Variants in ASCC1 observed in about 807,000 individuals in gnomAD.
The protein encoded by ASCC1 is activating signal cointegrator 1 complex subunit 1.
In ASCC1, 35 loss-of-function variants were observed where a neutral mutation model predicts 46.6. The observed-to-expected ratio is 0.75, with a 90% confidence interval of 0.57 to 0.99. The LOEUF is 0.99. ASCC1 is among the 50% of genes least tolerant of loss of function. The pLI is 0.00. For synonymous variants in ASCC1, 143 were observed against 146.6 expected (o/e 0.98, Z 0.18); for missense variants, 376 against 428.7 (o/e 0.88, Z 1.09).
chr10:72,104,522 T>G (rs561071869), intron 9 of ASCC1, among the ~76,000 whole-genome samples: 1 of 152,292 alleles, frequency 6.6e-6, no homozygotes, highest in South Asian at 2.1e-4. Flanking sequence ...AAGAACAAAG[T>G]GTTGTATTGT....
chr10:72,152,697 C>T (rs1009061952), intron 7 of ASCC1, among the ~76,000 whole-genome samples, 172 bp downstream of exon 7: 4 of 151,950 alleles, frequency 2.6e-5, no homozygotes, highest in Admixed American at 2.6e-4. Flanking sequence ...CTTTTTCCTA[C>T]AACAAATTCC....
chr10:72,164,380 A>G (rs1283960649), intron 5 of ASCC1, among the ~76,000 whole-genome samples: 1 of 152,218 alleles, frequency 6.6e-6, no homozygotes, highest in African/African-American at 2.4e-5. Context: ...TATAGAAAGG[A>G]TCATACAATA....
At chr10:72,117,677 A>T (rs528749138) in intron 9 of ASCC1, among the ~76,000 whole-genome samples, 1 of 152,342 alleles carries the variant, frequency 6.6e-6, no homozygotes, top group East Asian at 1.9e-4. Context: ...AGGAAGTTGC[A>T]TATCTGTTTC....
At chr10:72,154,555 G>A (rs1468316225) in intron 6 of ASCC1, among the ~76,000 whole-genome samples, 1 of 150,530 alleles carries the variant, frequency 6.6e-6, no homozygotes, top group Admixed American at 6.6e-5. Flanking sequence ...GCAGTGGCGT[G>A]ATCTTGGCTC....
At chr10:72,149,437 CAAAAAAAA>C (rs11297879) in intron 7 of ASCC1, among the ~76,000 whole-genome samples, 21 of 52,686 alleles carry the variant, frequency 4.0e-4, no homozygotes, top group South Asian at 8.4e-4. Context: ...GACTCCGTCA[CAAAAAAAA>C]AAAAAAAAAA....
chr10:72,157,036 G>C (rs1329507051), intron 6 of ASCC1, among the ~76,000 whole-genome samples: 1 of 152,044 alleles, frequency 6.6e-6, no homozygotes, highest in Admixed American at 6.5e-5. Context: ...CAAACTCCTG[G>C]GCTCAAGCAA....
chr10:72,185,709 T>C (rs970359550), intron 5 of ASCC1, among the ~76,000 whole-genome samples: 2 of 152,082 alleles, frequency 1.3e-5, no homozygotes, highest in South Asian at 2.1e-4. Flanking sequence ...GAGGGTGACA[T>C]AAATATTCAA....
chr10:72,142,750 T>C (rs1385001345), intron 7 of ASCC1, among the ~76,000 whole-genome samples: 3 of 152,160 alleles, frequency 2.0e-5, no homozygotes, highest in Non-Finnish European at 4.4e-5. Context: ...TGGACTAGAG[T>C]AATGACTTTT....
chr10:72,163,599 G>A (rs550693864), intron 5 of ASCC1, among the ~76,000 whole-genome samples: 13 of 152,150 alleles, frequency 8.5e-5, no homozygotes, highest in African/African-American at 3.1e-4. Flanking sequence ...GCCGGGTGTG[G>A]TGGTGTGTGC....
At chr10:72,150,819 T>C (rs530031360) in intron 7 of ASCC1, among the ~76,000 whole-genome samples, 367 of 152,274 alleles carry the variant, frequency 2.4e-3, no homozygotes, top group Non-Finnish European at 3.8e-3. Flanking sequence ...AGAAGACATT[T>C]ATGCAGCCAA....
chr10:72,154,508 T>C (rs1275848837), intron 6 of ASCC1, among the ~76,000 whole-genome samples: 2 of 151,726 alleles, frequency 1.3e-5, no homozygotes, highest in African/African-American at 2.4e-5. Flanking sequence ...TTTTTTTTTT[T>C]TGAGACAGGG....
rs1426244825 is a variant in ASCC1 at position 72,133,069 on chromosome 10, T to C, written c.859A>G (p.Lys287Glu). The part of the protein sequence containing the change: ...HATVMNTLFR[K>E]DPNAEGRYNL... ...CTGGGGGACTTACCATTGGGGTCTT[T>C]CCTGAATAGTGTATTCATAACTGTA... is the stretch of plus-strand genomic sequence containing the variant. Residue 287 changes from lysine (K) to glutamate (E), a missense_variant, in exon 8 of 10, where the codon AAA becomes GAA. Transcript: ENST00000672957. 1.9e-6 allele frequency: 3 copies of C among 1,614,076 alleles called. No individual in the cohort carries two copies. Among genetic ancestry groups the C allele is most frequent in the Non-Finnish European group, 2.5e-6 (3 of 1,180,026 alleles).
intron 3 of ASCC1, 79 bp from the exon 4 acceptor site, chr10:72,203,603 T>C: frequency 9.7e-7 from 1 of 1,035,236 alleles, no homozygotes; most frequent in Non-Finnish European, 1.5e-6. Context: ...AAATCCTTTG[T>C]GACAAGAGAT....
intron 5 of ASCC1, among the ~76,000 whole-genome samples, chr10:72,167,655 T>C (rs957072739): frequency 2.0e-5 from 3 of 151,702 alleles, no homozygotes; most frequent in African/African-American, 7.3e-5. Flanking sequence ...TTTTTTTTTT[T>C]TAAGACAAGG....
chr10:72,152,179 T>G (rs542817882), intron 7 of ASCC1, among the ~76,000 whole-genome samples: 100 of 151,070 alleles, frequency 6.6e-4, no homozygotes, highest in African/African-American at 1.7e-3. Context: ...TGGGTTTTTT[T>G]TTTTTTGTTT....
intron 4 of ASCC1, chr10:72,198,691 G>A (rs1312237237): frequency 2.2e-6 from 1 of 455,954 alleles, no homozygotes; most frequent in Non-Finnish European, 4.4e-6. Flanking sequence ...CAAAAGAAAT[G>A]GGTAAATCAG....
intron 7 of ASCC1, among the ~76,000 whole-genome samples, chr10:72,146,526 G>A (rs1847648852): frequency 6.6e-6 from 1 of 152,166 alleles, no homozygotes; most frequent in African/African-American, 2.4e-5. Context: ...AGCAAAATAG[G>A]AGAAACCATT....
At chr10:72,160,645 G>C (rs1411042937) in intron 6 of ASCC1, among the ~76,000 whole-genome samples, 1 of 151,862 alleles carries the variant, frequency 6.6e-6, no homozygotes, top group Non-Finnish European at 1.5e-5. Context: ...AGAGTTGCTT[G>C]AGACCAGGAG....
rs139487370 is a variant in ASCC1, at chr10:72,146,523, T to C, written c.746+6346A>G. On this transcript the variant is annotated intron_variant, in intron 7 of 9. Coordinates refer to ENST00000672957, the MANE Select transcript of ASCC1 (RefSeq NM_001198800.3). Reference sequence around the variant, plus strand: ...CAGTGGCTTCATGTTCTCAGCAAAATAGGAGAAACCATTCTTTTGAGAGGG... The same window carrying C: ...CAGTGGCTTCATGTTCTCAGCAAAACAGGAGAAACCATTCTTTTGAGAGGG... Among the ~76,000 whole-genome samples the C allele has an allele frequency of 1.5e-3, 232 of 152,172 alleles. No individual in the cohort carries two copies. In the Middle Eastern group the frequency reaches 0.017, roughly 11 times the overall value.
Sources: gnomAD v4.1 joint callset for allele counts (sites outside exome capture counted in the v4.1 genomes callset) on GRCh38, gnomAD v4.1.1 for gene constraint, MANE v1.5 for transcripts, NCBI Gene and HGNC (gene_info 2026-07-23, HGNC 2026-07-21) for gene names.